Variants in LDLRAP1 observed in about 807,000 individuals in gnomAD.
LDLRAP1 encodes the protein low density lipoprotein receptor adaptor protein 1.
Under a neutral mutation model 37.8 loss-of-function variants are expected in LDLRAP1, and 30 were observed. The ratio of observed to expected loss-of-function variants is 0.79; its 90% CI spans 0.59 to 1.08. LDLRAP1 has a LOEUF of 1.08. Among genes scored for constraint, LDLRAP1 ranks in the 50% least tolerant of loss-of-function variants. The probability of loss-of-function intolerance (pLI) is 0.00; values close to 1 mark genes in which losing one functional copy is unlikely to be tolerated. For synonymous variants in LDLRAP1, 156 were observed against 169.8 expected (o/e 0.92, Z 0.63); for missense variants, 375 against 401.6 (o/e 0.93, Z 0.57).
chr1:25,543,975 G>T (rs1200779735), intron 1 of LDLRAP1, among the ~76,000 whole-genome samples, 189 bp downstream of exon 1: 1 of 152,052 alleles, frequency 6.6e-6, no homozygotes, highest in African/African-American at 2.4e-5. Context: ...CCTACTCGCC[G>T]GCCGCTCGAT....
intron 1 of LDLRAP1, among the ~76,000 whole-genome samples, chr1:25,549,145 C>G (rs1225257799): frequency 6.6e-6 from 1 of 152,214 alleles, no homozygotes. Context: ...TGAAATTTTC[C>G]TAGTACTTTT....
the LDLRAP1 span, among the ~76,000 whole-genome samples, chr1:25,587,642 G>T: frequency 0.096 from 14,659 of 152,200 alleles, 1,556 homozygotes; most frequent in East Asian, 0.24. Context: ...GTGTTTCACC[G>T]AGCGGAGCTG....
At chr1:25,556,599 G>A (rs1393749634) in intron 3 of LDLRAP1, among the ~76,000 whole-genome samples, 1 of 152,178 alleles carries the variant, frequency 6.6e-6, no homozygotes, top group Non-Finnish European at 1.5e-5. Flanking sequence ...GGGAGGCCAG[G>A]TGAAGGGCAT....
chr1:25,570,036 T>A (rs1348881478), downstream of LDLRAP1, among the ~76,000 whole-genome samples: 1 of 152,256 alleles, frequency 6.6e-6, no homozygotes, highest in East Asian at 1.9e-4. Flanking sequence ...GCCCCTCAGC[T>A]GTGGCTTGTG....
At chr1:25,573,822 C>A (rs1162528001), downstream of LDLRAP1, among the ~76,000 whole-genome samples, 1 of 152,222 alleles carries the variant, frequency 6.6e-6, no homozygotes, top group African/African-American at 2.4e-5. Flanking sequence ...TCTCCCTGAG[C>A]CAGGCTCATT....
chr1:25,576,526 CA>C, the LDLRAP1 span, among the ~76,000 whole-genome samples: 1 of 151,714 alleles, frequency 6.6e-6, no homozygotes, highest in Non-Finnish European at 1.5e-5. Context: ...AACTCCATCT[CA>C]AAAAAACAAA....
chr1:25,571,871 T>G (rs559465250), downstream of LDLRAP1, among the ~76,000 whole-genome samples: 33 of 152,348 alleles, frequency 2.2e-4, no homozygotes, highest in African/African-American at 7.7e-4. Flanking sequence ...CAATTCTGAC[T>G]GCACCTGCTG....
chr1:25,552,402 C>T (rs1206253545), intron 1 of LDLRAP1, among the ~76,000 whole-genome samples: 2 of 152,174 alleles, frequency 1.3e-5, no homozygotes, highest in Non-Finnish European at 2.9e-5. Context: ...CCAGCCCCTC[C>T]CTGGGGGATG....
rs1349051351 is a variant in LDLRAP1, at chr1:25,544,324, G to A, written c.88+538G>A. 6.6e-6 allele frequency among the ~76,000 whole-genome samples: 1 copy of A among 152,174 alleles called. No homozygotes were observed. Among genetic ancestry groups the A allele is most frequent in the Admixed American group, 6.5e-5 (1 of 15,286 alleles). On this transcript the variant is annotated intron_variant, in intron 1 of 8. Coordinates refer to ENST00000374338, the MANE Select transcript of LDLRAP1 (RefSeq NM_015627.3). The surrounding 1 kb of genome is among the most constrained non-coding windows in gnomAD (Gnocchi z 4.8). ...CGGGTGCCCAGACACCCATCCAGGT[G>A]TGAGCCCGGGGTCGCAGGTACGTAC...
the LDLRAP1 span, among the ~76,000 whole-genome samples, chr1:25,589,826 G>A: frequency 6.6e-6 from 1 of 152,208 alleles, no homozygotes. Flanking sequence ...TTACGGGCCG[G>A]GCGCGGTGGC....
chr1:25,583,192 A>AT, the LDLRAP1 span, among the ~76,000 whole-genome samples: 751 of 116,534 alleles, frequency 6.4e-3, 2 homozygotes, highest in African/African-American at 0.011. Context: ...TTTTTTGGGG[A>AT]TTTTTTTTTT....
In LDLRAP1 at chr1:25,563,921, T is replaced by C. The variant is rs537739498; in HGVS notation, c.747+130T>C. ...TCTGGGAGGACCAGACCCAGCCCGG[T>C]AGTGCCCAGGCGCAGGATAGGGGAT... On this transcript the variant is annotated intron_variant, in intron 7 of 8. Coordinates refer to ENST00000374338, the MANE Select transcript of LDLRAP1 (RefSeq NM_015627.3). 6.4e-4 allele frequency: 767 copies of C among 1,193,148 alleles called. 11 individuals carry two copies. The South Asian group carries it at 7.0e-3, about 11-fold the overall frequency. The allele number at this position is 1,193,148 out of a possible 1,614,324, so 73.9% of individuals were successfully genotyped here.
chr1:25,575,800 A>T, the LDLRAP1 span, among the ~76,000 whole-genome samples: 2 of 152,112 alleles, frequency 1.3e-5, no homozygotes, highest in East Asian at 3.9e-4. Context: ...TCTCACAATA[A>T]CTCTCTGGAA....
chr1:25,586,901 C>T, the LDLRAP1 span, among the ~76,000 whole-genome samples: 1 of 152,150 alleles, frequency 6.6e-6, no homozygotes, highest in Non-Finnish European at 1.5e-5. This position sits in a 1 kb window ranked among gnomAD's most constrained non-coding sequence, Gnocchi z 4.3. Context: ...GTGAGCATGA[C>T]CCCAGCTCCA....
chr1:25,546,439 G>A (rs1362177464), intron 1 of LDLRAP1, among the ~76,000 whole-genome samples: 3 of 152,288 alleles, frequency 2.0e-5, no homozygotes, highest in East Asian at 3.9e-4. Context: ...CTTCATGCCT[G>A]CAGTGGATTC....
At chr1:25,589,326 AAG>A in the LDLRAP1 span, among the ~76,000 whole-genome samples, 2 of 151,872 alleles carry the variant, frequency 1.3e-5, no homozygotes, top group Non-Finnish European at 2.9e-5. Flanking sequence ...GAAAGAAAGA[AAG>A]AAATATATCA....
rs1355276949 is a variant in LDLRAP1 at position 25,543,849 on chromosome 1, G to T, written c.88+63G>T. The T allele has an allele frequency of 3.6e-6, 4 of 1,102,378 alleles. No individual in the cohort carries two copies. In the Admixed American group the frequency reaches 1.8e-4, roughly 50 times the overall value. The allele number at this position is 1,102,378 out of a possible 1,614,324, so 68.3% of individuals were successfully genotyped here. A position where few individuals can be genotyped will look rare whatever the true frequency, so the allele number is the denominator to read the frequency against. On this transcript the variant is annotated intron_variant, in intron 1 of 8. Coordinates refer to ENST00000374338, the MANE Select transcript of LDLRAP1 (RefSeq NM_015627.3). ...GGGCAGAGGCGCGCGGGGCCTCCGC[G>T]GGCGCCCGGAGTGCGGCCAAGTTGG...
the LDLRAP1 span, among the ~76,000 whole-genome samples, chr1:25,585,585 A>T: frequency 6.6e-6 from 1 of 152,200 alleles, no homozygotes; most frequent in African/African-American, 2.4e-5. Flanking sequence ...TCGGCCTCCC[A>T]AAGTGCTGGG....
chr1:25,552,698 G>T (rs1482554151), intron 1 of LDLRAP1, among the ~76,000 whole-genome samples: 2 of 152,164 alleles, frequency 1.3e-5, no homozygotes, highest in African/African-American at 4.8e-5. Context: ...GAGGAGCCGG[G>T]GATGGTCAGA....
Sources: gnomAD v4.1 joint callset for allele counts (sites outside exome capture counted in the v4.1 genomes callset) on GRCh38, gnomAD v4.1.1 for gene constraint, Gnocchi (gnomAD v3.1) non-coding constraint, MANE v1.5 for transcripts, NCBI Gene and HGNC (gene_info 2026-07-23, HGNC 2026-07-21) for gene names.